Variants in LRIG3 observed in about 807,000 individuals in gnomAD.
The protein encoded by LRIG3 is leucine rich repeats and immunoglobulin like domains 3, also known as leucine-rich repeats and immunoglobulin-like domains protein 3.
A neutral mutation model predicts 114.5 loss-of-function variants in LRIG3; 76 were observed. That is an observed-to-expected ratio of 0.66 (90% confidence interval 0.55 to 0.80). The LOEUF is 0.80. LRIG3 is among the 30% of genes least tolerant of loss of function. The pLI is 0.00. For missense variants in LRIG3, 1,239 were observed against 1,382.8 expected (o/e 0.90, Z 1.65); for synonymous variants, 512 against 519.8 (o/e 0.98, Z 0.20).
At chr12:58,889,828 T>C (rs899320343) in intron 5 of LRIG3, among the ~76,000 whole-genome samples, 168 bp downstream of exon 5, 5 of 152,092 alleles carry the variant, frequency 3.3e-5, no homozygotes, top group African/African-American at 1.2e-4. Context: ...GACGAGATGA[T>C]GTTTAAGGCT....
chr12:58,882,805 T>G (rs932712184), intron 12 of LRIG3, 64 bp downstream of exon 12: 1 of 1,488,758 alleles, frequency 6.7e-7, no homozygotes, highest in South Asian at 1.4e-5. Flanking sequence ...AAACCATTAT[T>G]TGGATAAATG....
intron 3 of LRIG3, among the ~76,000 whole-genome samples, chr12:58,895,225 A>C (rs962601826): frequency 5.3e-5 from 8 of 152,208 alleles, no homozygotes; most frequent in African/African-American, 1.9e-4. Flanking sequence ...CAGAGCTTAA[A>C]GTCTAGTGGG....
chr12:58,895,518 G>C (rs1262907265), intron 3 of LRIG3, among the ~76,000 whole-genome samples: 1 of 152,214 alleles, frequency 6.6e-6, no homozygotes, highest in Non-Finnish European at 1.5e-5. Context: ...GCTAAGTACA[G>C]AGTGCACGGG....
At position 58,895,801 on chromosome 12, in the gene LRIG3, C is replaced by T. The variant is rs1393646734; in HGVS notation, c.384-5005G>A. Among the ~76,000 whole-genome samples, 5 of 152,150 alleles carry T rather than the reference C, an allele frequency of 3.3e-5. 1 individual carries two copies. In the South Asian group the frequency reaches 6.2e-4, roughly 19 times the overall value. Reference sequence around the variant, plus strand: ...GGCTCCTAACTTCATGCAGGACAGACGACAGAAGGATGACGAGCGACCTTG... The same window carrying T: ...GGCTCCTAACTTCATGCAGGACAGATGACAGAAGGATGACGAGCGACCTTG... On this transcript the variant is annotated intron_variant, in intron 3 of 18. Coordinates refer to ENST00000320743, the MANE Select transcript of LRIG3 (RefSeq NM_153377.5).
At chr12:58,904,490 T>C (rs1250861647) in intron 3 of LRIG3, among the ~76,000 whole-genome samples, 1 of 152,138 alleles carries the variant, frequency 6.6e-6, no homozygotes, top group East Asian at 1.9e-4. Context: ...CATGAGGGAA[T>C]AGTGTGGGTT....
At chr12:58,912,051 G>C (rs1158334778) in intron 3 of LRIG3, among the ~76,000 whole-genome samples, 1 of 152,118 alleles carries the variant, frequency 6.6e-6, no homozygotes, top group Admixed American at 6.5e-5. Flanking sequence ...GAGAAAGAAA[G>C]TGAAATTATT....
At chr12:58,919,820 A>G (rs1464273327) in intron 1 of LRIG3, among the ~76,000 whole-genome samples, 180 bp downstream of exon 1, 3 of 152,300 alleles carry the variant, frequency 2.0e-5, no homozygotes, top group Non-Finnish European at 2.9e-5. Context: ...AGCACGTGGG[A>G]GGGAAACTGA....
intron 18 of LRIG3, 79 bp from the exon 19 acceptor site, chr12:58,872,895 A>T: frequency 6.5e-7 from 1 of 1,533,460 alleles, no homozygotes; most frequent in Non-Finnish European, 8.8e-7. Flanking sequence ...AAATGAAGGA[A>T]CATCTTACCC....
At chr12:58,880,995 G>A (rs1343198978) in intron 12 of LRIG3, 94 bp from the exon 13 acceptor site, 2 of 1,228,522 alleles carry the variant, frequency 1.6e-6, no homozygotes, top group African/African-American at 1.5e-5. Flanking sequence ...CAAAAACAGT[G>A]GCTTAGGTTT....
intron 3 of LRIG3, among the ~76,000 whole-genome samples, chr12:58,893,885 A>C (rs1447937613): frequency 6.6e-6 from 1 of 152,156 alleles, no homozygotes; most frequent in African/African-American, 2.4e-5. Context: ...GTCTGAGGCA[A>C]GTATAGCTAC....
At chr12:58,888,002 G>A (rs1871332590) in intron 7 of LRIG3, 70 bp from the exon 8 acceptor site, 23 of 1,435,754 alleles carry the variant, frequency 1.6e-5, no homozygotes, top group South Asian at 1.3e-4. Context: ...TTTTCCAAAA[G>A]ACAGGTACTG....
chr12:58,919,683 T>C lies in LRIG3; in HGVS notation c.236+317A>G, dbSNP rs537857561. ...CCCTGGGCCTGGCAGGAGCAAGCAT[T>C]TGAACCCCTTGGCTAGCTTAGGGCG... On this transcript the variant is annotated intron_variant, in intron 1 of 18. Transcript: ENST00000320743. The C allele has an allele frequency of 4.4e-6, 5 of 1,125,858 alleles. No homozygotes were observed. In the African/African-American group the frequency reaches 4.7e-5, roughly 11 times the overall value. The allele number at this position is 1,125,858 out of a possible 1,614,324, so 69.7% of individuals were successfully genotyped here. A position where few individuals can be genotyped will look rare whatever the true frequency, so the allele number is the denominator to read the frequency against.
Position 58,874,482 on chromosome 12 carries a change from C to T in LRIG3, c.2787G>A (p.Met929Ile), listed in dbSNP as rs1302900595. 2 of 1,614,192 alleles carry T rather than the reference C, an allele frequency of 1.2e-6. No homozygotes were observed. Among genetic ancestry groups the T allele is most frequent in the Admixed American group, 1.7e-5 (1 of 60,028 alleles). Residue 929 changes from methionine to isoleucine, a missense_variant, in exon 17 of 19, where the codon ATG becomes ATA. By Grantham distance (10) the Met-to-Ile change is conservative. Coordinates refer to ENST00000320743, the MANE Select transcript of LRIG3 (RefSeq NM_153377.5). ...AGCCATACACATTTCCCTTCAAATA[C>T]ATAGGGCCTGTGGATCCCAAAAACG... ...LCPFLGSTGP[M>I]YLKGNVYGSD... is the part of the protein sequence containing the mutation.
intron 3 of LRIG3, among the ~76,000 whole-genome samples, chr12:58,903,102 G>A (rs1369411216): frequency 6.6e-6 from 1 of 152,110 alleles, no homozygotes; most frequent in Non-Finnish European, 1.5e-5. Flanking sequence ...GGGATGGCTG[G>A]GTCAAATGGT....
At chr12:58,872,958 A>G in intron 18 of LRIG3, 142 bp from the exon 19 acceptor site, 1 of 1,134,762 alleles carries the variant, frequency 8.8e-7, no homozygotes, top group Non-Finnish European at 1.2e-6. Flanking sequence ...ACTCACATAC[A>G]TGTACATCTG....
At chr12:58,907,746 G>A (rs1357961884) in intron 3 of LRIG3, among the ~76,000 whole-genome samples, 1 of 152,188 alleles carries the variant, frequency 6.6e-6, no homozygotes, top group Non-Finnish European at 1.5e-5. Context: ...ACGAAAACCT[G>A]TGCATCTGTG....
chr12:58,912,888 GTTTA>G (rs1012193834), intron 3 of LRIG3, among the ~76,000 whole-genome samples: 3 of 152,298 alleles, frequency 2.0e-5, no homozygotes, highest in African/African-American at 4.8e-5. Flanking sequence ...TAAATACAGT[GTTTA>G]TTTGTCAAAT....
intron 3 of LRIG3, among the ~76,000 whole-genome samples, chr12:58,894,998 G>A (rs772456658): frequency 1.3e-5 from 2 of 152,194 alleles, no homozygotes; most frequent in African/African-American, 4.8e-5. Context: ...GCTTCTAAGA[G>A]ACCACTGGAA....
intron 3 of LRIG3, among the ~76,000 whole-genome samples, chr12:58,899,934 G>C (rs1247078978): frequency 1.3e-5 from 2 of 152,138 alleles, no homozygotes; most frequent in Non-Finnish European, 2.9e-5. Flanking sequence ...ATCTGGGAAG[G>C]CTAACAGGAA....
Sources: allele counts gnomAD v4.1 joint callset (sites outside exome capture counted in the v4.1 genomes callset), GRCh38; gene constraint gnomAD v4.1.1; transcripts MANE v1.5; gene names NCBI Gene and HGNC (gene_info 2026-07-23, HGNC 2026-07-21).